The following MYO10 variants were observed in gnomAD, a reference collection of about 807,000 sequenced individuals.
MYO10 encodes myosin X.
MYO10 carries 133 observed loss-of-function variants against 257.3 expected under a neutral mutation model. The observed-to-expected ratio is 0.52, with a 90% CI of 0.45 to 0.60. MYO10 has a LOEUF of 0.60. MYO10 is among the 20% of genes least tolerant of loss of function. The pLI, the probability that MYO10 is intolerant of heterozygous loss-of-function variation, is 0.00. For missense variants in MYO10, 2,399 were observed against 2,635.7 expected (o/e 0.91, Z 1.97); for synonymous variants, 1,104 against 1,028.6 (o/e 1.07, Z -1.40).
chr5:16,893,625 C>T (rs111816101), intron 1 of MYO10, among the ~76,000 whole-genome samples: 5,003 of 133,210 alleles, frequency 0.038, 136 homozygotes, highest in African/African-American at 0.084. Flanking sequence ...GGGAGTGAGA[C>T]TCTGTCTCAA....
At chr5:16,864,853 G>A (rs1744201422) in intron 2 of MYO10, among the ~76,000 whole-genome samples, 1 of 152,192 alleles carries the variant, frequency 6.6e-6, no homozygotes, top group Non-Finnish European at 1.5e-5. Context: ...GAGCAGAAAA[G>A]ATTCTTAAAC....
rs754760761 is a variant in MYO10, at chr5:16,762,127, A to AT, written c.1588-15_1588-14insA. 6.7e-7 allele frequency: 1 copy of AT among 1,483,012 alleles called. No individual in the cohort carries two copies. 91.9% of individuals were successfully genotyped at this position (1,483,012 alleles called of 1,614,324 possible). The stretch of plus-strand genomic sequence containing the variant: ...AAAGTGGTTATTCTAAAAAAAAAAA[A>AT]AAAAAAAAAAAAAAAAATACAATGC... On this transcript the variant is annotated splice_polypyrimidine_tract_variant and intron_variant, in intron 15 of 40. Coordinates refer to ENST00000513610, the MANE Select transcript of MYO10 (RefSeq NM_012334.3).
At chr5:16,677,637 A>G (rs1300451418) in intron 33 of MYO10, among the ~76,000 whole-genome samples, 1 of 151,892 alleles carries the variant, frequency 6.6e-6, no homozygotes, top group Non-Finnish European at 1.5e-5. Flanking sequence ...GGATGGTCTC[A>G]ATCTCCTGAT....
At chr5:16,805,458 CA>C (rs36126574) in intron 3 of MYO10, among the ~76,000 whole-genome samples, 2,970 of 78,218 alleles carry the variant, frequency 0.038, 20 homozygotes, top group African/African-American at 0.087. Flanking sequence ...GACTCCATCT[CA>C]AAAAAAAAAA....
At chr5:16,698,641 T>TTTTTTTTTTTA (rs1737879764) in intron 26 of MYO10, among the ~76,000 whole-genome samples, 5 of 146,264 alleles carry the variant, frequency 3.4e-5, no homozygotes, top group African/African-American at 8.0e-5. Flanking sequence ...TTTTTTTTTT[T>TTTTTTTTTTTA]GAGACAGCGT....
chr5:16,723,335 C>T (rs927373084), intron 19 of MYO10, among the ~76,000 whole-genome samples: 46 of 151,966 alleles, frequency 3.0e-4, no homozygotes, highest in Non-Finnish European at 6.0e-4. Flanking sequence ...TTGCAGTGAG[C>T]CAAGGTTGCG....
rs1223649154 is a variant in MYO10, at chr5:16,761,475, T to C, written c.1728A>G (p.Leu576=). The change falls in exon 17 of 41, where the codon CTA becomes CTG. Residue 576 remains leucine (L), a synonymous_variant. Transcript: ENST00000513610. ...GAAGACTGACATACCGGCTTTCTCT[T>C]AGCAAATTGAGAAGGTCATCTCGAA... ...DTFRDDLLNL[L]RESRFDFIYD... 3 of 1,612,762 alleles carry C rather than the reference T, an allele frequency of 1.9e-6. No individual in the cohort carries two copies. Among genetic ancestry groups the C allele is most frequent in the Non-Finnish European group, 2.5e-6 (3 of 1,179,086 alleles).
intron 3 of MYO10, among the ~76,000 whole-genome samples, chr5:16,806,308 G>A (rs1403530924): frequency 6.6e-6 from 1 of 150,862 alleles, no homozygotes; most frequent in African/African-American, 2.4e-5. Context: ...AGTGAACCGA[G>A]ATCACGCCAC....
intron 21 of MYO10, among the ~76,000 whole-genome samples, chr5:16,709,072 T>C (rs1579875672): frequency 6.6e-6 from 1 of 152,156 alleles, no homozygotes; most frequent in Non-Finnish European, 1.5e-5. Context: ...TGGGTGATCG[T>C]AGAGAAGCCA....
intron 2 of MYO10, among the ~76,000 whole-genome samples, chr5:16,843,832 T>C (rs1743555204): frequency 6.6e-6 from 1 of 152,192 alleles, no homozygotes; most frequent in Non-Finnish European, 1.5e-5. Context: ...AAAAAGCTTC[T>C]AGGTCTTCTG....
intron 28 of MYO10, among the ~76,000 whole-genome samples, chr5:16,688,827 C>A (rs571029959): frequency 6.6e-6 from 1 of 152,142 alleles, no homozygotes; most frequent in East Asian, 1.9e-4. Context: ...AACTCACAAG[C>A]TGCAGGAATA....
chr5:16,747,918 CAAAAAAAAAAAAAAAAAAAAAA>C (rs777257950), intron 19 of MYO10, among the ~76,000 whole-genome samples: 13,906 of 30,806 alleles, frequency 0.45, 2,226 homozygotes, highest in African/African-American at 0.55. Flanking sequence ...AACTCCGTCT[CAAAAAAAAAAAAAAAAAAAAAA>C]AAAAAAGAAA....
At chr5:16,752,935 C>T (rs886634534) in intron 19 of MYO10, among the ~76,000 whole-genome samples, 1 of 152,056 alleles carries the variant, frequency 6.6e-6, no homozygotes, top group Non-Finnish European at 1.5e-5. Flanking sequence ...TTTTGAAAAA[C>T]GGAAAGATGG....
At chr5:16,916,060 G>C (rs1580147209) in intron 1 of MYO10, 1 of 456,066 alleles carries the variant, frequency 2.2e-6, no homozygotes. Flanking sequence ...CTTACCAGTT[G>C]AATCGCTTGG....
In MYO10 at chr5:16,740,656, G is replaced by A. The variant is rs529740900; in HGVS notation, c.1929+14172C>T. Among the ~76,000 whole-genome samples the A allele has an allele frequency of 3.3e-5, 5 of 152,198 alleles. No individual in the cohort carries two copies. In the South Asian group the frequency reaches 6.2e-4, roughly 19 times the overall value. On this transcript the variant is annotated intron_variant, in intron 19 of 40. Transcript: ENST00000513610. The stretch of plus-strand genomic sequence containing the variant: ...CACCGAGGCATTCAGCAGAGAGAGG[G>A]AAGCACTTCTGTATTCCATCATTCC...
At chr5:16,897,695 C>T (rs1745254429) in intron 1 of MYO10, among the ~76,000 whole-genome samples, 1 of 152,150 alleles carries the variant, frequency 6.6e-6, no homozygotes, top group Non-Finnish European at 1.5e-5. Context: ...TCCACGGCCT[C>T]CATTTACAGG....
chr5:16,673,776 G>C lies in MYO10; in HGVS notation c.5078C>G (p.Ala1693Gly). 1 of 1,614,010 alleles carries C rather than the reference G, an allele frequency of 6.2e-7. No individual in the cohort carries two copies. Among genetic ancestry groups the C allele is most frequent in the Non-Finnish European group, 8.5e-7 (1 of 1,179,906 alleles). ...EFVPSRDEIEALIHRQEMTST... is the reference protein window; with the variant it reads ...EFVPSRDEIEGLIHRQEMTST... ...TGTCATTTCCTGCCTGTGGATCAGA[G>C]CTTCTATTTCATCTCGGGAAGGCAC... Residue 1693 changes from alanine (A) to glycine (G), a missense_variant, in exon 36 of 41, where the codon GCT becomes GGT. Coordinates refer to ENST00000513610, the MANE Select transcript of MYO10 (RefSeq NM_012334.3).
In MYO10 at chr5:16,670,403, AAT is replaced by A. The variant is rs1423396534; in HGVS notation, c.5883+121_5883+122del. On this transcript the variant is annotated intron_variant, in intron 39 of 40. Coordinates refer to ENST00000513610, the MANE Select transcript of MYO10 (RefSeq NM_012334.3). ...TTAATGGTACAATTCTGGGGGCTCG[AAT>A]AAAAGAGGTTGAGAGAGCAAAATGC... 6 of 823,748 alleles carry A rather than the reference AAT, an allele frequency of 7.3e-6. No individual in the cohort carries two copies. In the Admixed American group the frequency reaches 1.5e-4, roughly 20 times the overall value. 51.0% of individuals were successfully genotyped at this position (823,748 alleles called of 1,614,324 possible).
intron 29 of MYO10, 35 bp downstream of exon 29, chr5:16,685,703 A>ACCCCCC: frequency 5.5e-6 from 7 of 1,266,164 alleles, no homozygotes; most frequent in East Asian, 5.1e-5. Context: ...CTGCCCCTAG[A>ACCCCCC]CGCCCCACCC....
Sources: allele counts gnomAD v4.1 joint callset (sites outside exome capture counted in the v4.1 genomes callset), GRCh38; gene constraint gnomAD v4.1.1; transcripts MANE v1.5; gene names NCBI Gene and HGNC (gene_info 2026-07-23, HGNC 2026-07-21).